PCNT: variants seen among roughly 807,000 people sequenced by gnomAD.
The protein encoded by PCNT is kendrin.
Under a neutral mutation model 380.4 loss-of-function variants are expected in PCNT, and 319 were observed. That is an observed-to-expected ratio of 0.84 (90% CI 0.77 to 0.92). PCNT has a LOEUF of 0.92. PCNT is among the 40% of genes least tolerant of loss of function. The pLI is 0.00. For missense variants in PCNT, 4,400 were observed against 4,255.3 expected, an observed-to-expected ratio of 1.03 and a Z score of -0.95; for synonymous variants, 1,845 against 1,735.2, an observed-to-expected ratio of 1.06 and a Z score of -1.57.
chr21:46,395,956 T>TCGG (rs2086195126), intron 21 of PCNT, among the ~76,000 whole-genome samples: 1 of 151,672 alleles, frequency 6.6e-6, no homozygotes. Context: ...ACTTCAGGAC[T>TCGG]CAGCAGCAGG....
intron 16 of PCNT, among the ~76,000 whole-genome samples, chr21:46,384,942 C>T (rs1041158221): frequency 3.3e-5 from 5 of 152,240 alleles, no homozygotes; most frequent in East Asian, 1.9e-4. Context: ...GGCACATTCA[C>T]GGTGTTGTAC....
chr21:46,423,265 A>G (rs758286401), intron 32 of PCNT, among the ~76,000 whole-genome samples: 1 of 148,402 alleles, frequency 6.7e-6, no homozygotes, highest in Non-Finnish European at 1.5e-5. Flanking sequence ...GTCACAGCTC[A>G]CTGCAACCTC....
At position 46,382,818 on chromosome 21, in the gene PCNT, G is replaced by A. The variant is rs142282992; in HGVS notation, c.3312+978G>A. 1.9e-3 allele frequency among the ~76,000 whole-genome samples: 268 copies of A among 137,946 alleles called. 37 individuals are homozygous for A. In the East Asian group the frequency reaches 0.053, roughly 27 times the overall value. 90.5% of individuals were successfully genotyped at this position (137,946 alleles called of 152,430 possible). On this transcript the variant is annotated intron_variant, in intron 16 of 46. Transcript: ENST00000359568. ...GCATTCACGGTGTGCATTCAGTGGCGGAAGCGCATTCACGGTGTTGTGCGT... is the reference window on the plus strand; with the variant it reads ...GCATTCACGGTGTGCATTCAGTGGCAGAAGCGCATTCACGGTGTTGTGCGT...
intron 14 of PCNT, among the ~76,000 whole-genome samples, chr21:46,364,561 G>GT (rs886850090): frequency 1.8e-4 from 28 of 152,056 alleles, no homozygotes; most frequent in African/African-American, 3.1e-4. Flanking sequence ...GCGTTTTTGT[G>GT]TTTTTTTTAA....
At chr21:46,445,144 A>C in intron 46 of PCNT, 140 bp from the exon 47 acceptor site, 1 of 720,906 alleles carries the variant, frequency 1.4e-6, no homozygotes. Flanking sequence ...TAAATATCAT[A>C]ATTTAAACCA....
Position 46,346,800 on chromosome 21 carries a change from G to GC in PCNT, c.779dup (p.Gln261AlafsTer67). On this transcript the variant is annotated frameshift_variant, in exon 5 of 47. Coordinates refer to ENST00000359568, the MANE Select transcript of PCNT (RefSeq NM_006031.6). LOFTEE classifies it high-confidence loss of function. ...CCTGAGTCTGAGCAACATGCACACG[G>GC]CGCAGCTGGAGCTGACACAGGCCAA... 6.2e-7 allele frequency: 1 copy of GC among 1,600,844 alleles called. No homozygotes were observed. Among genetic ancestry groups the GC allele is most frequent in the Non-Finnish European group, 8.5e-7 (1 of 1,174,752 alleles).
In PCNT at chr21:46,422,026, C is replaced by T. The variant is rs778528632; in HGVS notation, c.7081C>T (p.Gln2361Ter). Residue 2361 changes from glutamine (Q) to a stop codon, truncating the protein, a stop_gained, in exon 32 of 47, where the codon CAA becomes TAA. Transcript: ENST00000359568. LOFTEE classifies it high-confidence loss of function. ...CCCGGGGTCAGGAGGCCCTGAGGCT[C>T]AAACTGCTGGTCCTGTGACCCCTGC... ...LSPGSGGPEAQTAGPVTPASI... is the reference protein window; with the variant it reads ...LSPGSGGPEA 1.2e-6 allele frequency: 2 copies of T among 1,614,032 alleles called. No individual in the cohort carries two copies. The highest frequency in any genetic ancestry group is 1.3e-5 in the African/African-American group (1 of 75,042).
chr21:46,364,844 C>G (rs2084843652), intron 14 of PCNT, among the ~76,000 whole-genome samples: 1 of 152,266 alleles, frequency 6.6e-6, no homozygotes, highest in Non-Finnish European at 1.5e-5. Context: ...GCAGGACGCT[C>G]TTCTCACCAG....
At chr21:46,408,986 A>G (rs1442893321) in intron 27 of PCNT, among the ~76,000 whole-genome samples, 1 of 151,892 alleles carries the variant, frequency 6.6e-6, no homozygotes, top group Non-Finnish European at 1.5e-5. Context: ...GGCTTCCCAA[A>G]GTACTGGGAT....
At chr21:46,351,237 C>T (rs1375050686) in intron 8 of PCNT, among the ~76,000 whole-genome samples, 192 bp from the exon 9 acceptor site, 1 of 152,198 alleles carries the variant, frequency 6.6e-6, no homozygotes, top group Non-Finnish European at 1.5e-5. Context: ...GGGGTCAGCG[C>T]TGACCGATCC....
In PCNT at chr21:46,366,825, A is replaced by G; in HGVS notation, c.2851A>G (p.Thr951Ala). 2 of 1,613,954 alleles carry G rather than the reference A, an allele frequency of 1.2e-6. No homozygotes were observed. The highest frequency in any genetic ancestry group is 2.2e-5 in the South Asian group (2 of 91,084). The change falls in exon 15 of 47, where the codon ACA (threonine) becomes GCA (alanine). Residue 951 changes from threonine (T) to alanine (A), a missense_variant. Transcript: ENST00000359568. ...GGCTGCACGTGTGGCCGAACTGCAG[A>G]CAAAACACGCTGCCGACCTCGGCGC... The part of the protein sequence containing the change: ...LLAARVAELQ[T>A]KHAADLGALE...
At chr21:46,392,300 A>G (rs2086060703) in intron 21 of PCNT, among the ~76,000 whole-genome samples, 1 of 151,514 alleles carries the variant, frequency 6.6e-6, no homozygotes, top group African/African-American at 2.4e-5. Flanking sequence ...GTTCACTGCA[A>G]CCTCCGCCTC....
rs545308539 is a variant in PCNT, at chr21:46,348,800, T to G, written c.1033-212T>G. Among the ~76,000 whole-genome samples, 7 of 151,924 alleles carry G rather than the reference T, an allele frequency of 4.6e-5. No individual in the cohort carries two copies. In the East Asian group the frequency reaches 9.7e-4, roughly 21 times the overall value. ...CCACTAATTTTTGTATTTTTTTTTT[T>G]GTAGAGATGGGGTCTCACTATGTTG... is the stretch of plus-strand genomic sequence containing the variant. On this transcript the variant is annotated intron_variant, in intron 6 of 46. Transcript: ENST00000359568.
chr21:46,422,673 A>C (rs1407656879), intron 32 of PCNT, among the ~76,000 whole-genome samples: 1 of 152,216 alleles, frequency 6.6e-6, no homozygotes, highest in East Asian at 1.9e-4. Flanking sequence ...GAATGATGCC[A>C]CTACAGGAGC....
intron 34 of PCNT, 88 bp downstream of exon 34, chr21:46,427,883 A>T (rs2087576391): frequency 1.8e-5 from 26 of 1,461,312 alleles, no homozygotes; most frequent in Non-Finnish European, 2.5e-5. Context: ...TTGTGTGTGA[A>T]TTTCGGTTTG....
In PCNT at chr21:46,440,167, G is replaced by C; in HGVS notation, c.9358G>C (p.Ala3120Pro). Reference protein sequence around the residue: ...RRPDPGRLPPAASEEAHTSNV... With the variant: ...RRPDPGRLPPPASEEAHTSNV... ...CCCAGACCCCGGCCGGCTTCCACCA[G>C]CTGCCAGCGAGGAAGCACACACCAG... Residue 3120 changes from alanine to proline, a missense_variant, in exon 42 of 47, where the codon GCT (alanine) becomes CCT (proline). Physicochemically the swap from Ala to Pro is conservative, Grantham distance 27. Coordinates refer to ENST00000359568, the MANE Select transcript of PCNT (RefSeq NM_006031.6). 5.0e-6 allele frequency: 8 copies of C among 1,614,114 alleles called. No individual in the cohort carries two copies. The highest frequency in any genetic ancestry group is 5.9e-6 in the Non-Finnish European group (7 of 1,180,000).
At chr21:46,416,894 C>A in intron 30 of PCNT, 55 bp downstream of exon 30, 1 of 1,546,842 alleles carries the variant, frequency 6.5e-7, no homozygotes. Context: ...GTGGTCTGCC[C>A]GGCGCCACGG....
chr21:46,406,567 GT>G (rs1198151630), intron 27 of PCNT, among the ~76,000 whole-genome samples: 1 of 152,192 alleles, frequency 6.6e-6, no homozygotes, highest in East Asian at 1.9e-4. Context: ...GATAAAGACA[GT>G]TTTATTTCTT....
At chr21:46,389,044 T>C (rs1338830786) in intron 18 of PCNT, among the ~76,000 whole-genome samples, 155 bp from the exon 19 acceptor site, 1 of 152,168 alleles carries the variant, frequency 6.6e-6, no homozygotes, top group Non-Finnish European at 1.5e-5. Context: ...AGACCGGGGT[T>C]TGGGCTAAAT....
Sources: gnomAD v4.1 joint callset for allele counts (sites outside exome capture counted in the v4.1 genomes callset) on GRCh38, gnomAD v4.1.1 for gene constraint, MANE v1.5 for transcripts, NCBI Gene and HGNC (gene_info 2026-07-23, HGNC 2026-07-21) for gene names.